RHOH: variants seen among roughly 807,000 people sequenced by gnomAD.
RHOH encodes rho-related GTP-binding protein RhoH.
RHOH carries 6 observed loss-of-function variants against 13.8 expected under a neutral mutation model. That is an observed-to-expected ratio of 0.44 (90% CI 0.24 to 0.86). RHOH has a LOEUF of 0.86. RHOH is among the 40% of genes least tolerant of loss of function. The probability of loss-of-function intolerance (pLI) is 0.24; values close to 1 mark genes in which losing one functional copy is unlikely to be tolerated. For synonymous variants in RHOH, 117 were observed against 103.0 expected, an observed-to-expected ratio of 1.14 and a Z score of -0.82; for missense variants, 147 against 244.5, an observed-to-expected ratio of 0.60 and a Z score of 2.66.
intron 1 of RHOH, among the ~76,000 whole-genome samples, chr4:40,214,238 G>A (rs372383796): frequency 1.3e-4 from 20 of 152,308 alleles, no homozygotes; most frequent in African/African-American, 4.3e-4. Context: ...CACAGTATAC[G>A]AGAAGGTTAC....
intron 1 of RHOH, among the ~76,000 whole-genome samples, chr4:40,234,018 G>A (rs747371550): frequency 6.6e-6 from 1 of 152,042 alleles, no homozygotes; most frequent in Non-Finnish European, 1.5e-5. Flanking sequence ...ACCAGGTGGC[G>A]GGCTGGATTC....
intron 1 of RHOH, among the ~76,000 whole-genome samples, chr4:40,220,113 A>G (rs1726371514): frequency 6.6e-6 from 1 of 152,092 alleles, no homozygotes; most frequent in Non-Finnish European, 1.5e-5. Flanking sequence ...TCCCTTTCCA[A>G]CATCATCTTC....
Position 40,219,118 on chromosome 4 carries a change from AAAT to A in RHOH, c.-331+21819_-331+21821del, listed in dbSNP as rs566991903. ...ATAGTATGCTGTAGTTTGTATATAA[AAAT>A]GTGTGTGTGGCTGGGCGCGGTGGCT... is the stretch of plus-strand genomic sequence containing the variant. On this transcript the variant is annotated intron_variant, in intron 1 of 2. Coordinates refer to ENST00000381799, the MANE Select transcript of RHOH (RefSeq NM_004310.5). Among the ~76,000 whole-genome samples, 87 of 152,266 alleles carry A rather than the reference AAAT, an allele frequency of 5.7e-4. 1 individual carries two copies. The highest frequency in any genetic ancestry group is 2.0e-3 in the African/African-American group (85 of 41,542).
chr4:40,215,374 A>T (rs1343869944), intron 1 of RHOH, among the ~76,000 whole-genome samples: 1 of 152,172 alleles, frequency 6.6e-6, no homozygotes, highest in African/African-American at 2.4e-5. Context: ...GATTGGTATG[A>T]GTTTCCCAAG....
At chr4:40,235,881 G>A (rs1479615110) in intron 1 of RHOH, among the ~76,000 whole-genome samples, 1 of 151,826 alleles carries the variant, frequency 6.6e-6, no homozygotes, top group African/African-American at 2.4e-5. Flanking sequence ...CTTCAGGAAT[G>A]TGAGGCAGGA....
At chr4:40,237,002 G>A (rs1326938633) in intron 1 of RHOH, among the ~76,000 whole-genome samples, 2 of 152,128 alleles carry the variant, frequency 1.3e-5, no homozygotes, top group African/African-American at 4.8e-5. Context: ...ATTTTAAAAA[G>A]CTTAAATCTG....
At chr4:40,205,539 T>C (rs1412752607) in intron 1 of RHOH, among the ~76,000 whole-genome samples, 2 of 152,262 alleles carry the variant, frequency 1.3e-5, no homozygotes, top group African/African-American at 2.4e-5. Flanking sequence ...AGAAGCCCTG[T>C]TGGTCATCTT....
chr4:40,208,007 G>A (rs1030467854), intron 1 of RHOH, among the ~76,000 whole-genome samples: 4 of 150,508 alleles, frequency 2.7e-5, no homozygotes, highest in Non-Finnish European at 5.9e-5. Flanking sequence ...AAACTAGATG[G>A]TACAATTGTG....
At chr4:40,195,777 A>G (rs1248251149), upstream of RHOH, among the ~76,000 whole-genome samples, 1 of 152,302 alleles carries the variant, frequency 6.6e-6, no homozygotes, top group Admixed American at 6.5e-5. Context: ...TCTAGGAGAT[A>G]ATGTGCTCTT....
In RHOH at chr4:40,242,945, TTGTGTGTGTGTGTGTGTGTGTGTGTGTG is replaced by T. The variant is rs58807335; in HGVS notation, c.-210+135_-210+162del. 981 of 143,728 alleles carry T rather than the reference TTGTGTGTGTGTGTGTGTGTGTGTGTGTG, an allele frequency of 6.8e-3. 8 individuals are homozygous for T. The highest frequency in any genetic ancestry group is 0.025 in the African/African-American group (927 of 37,608). The allele number at this position is 143,728 out of a possible 1,614,324, so 8.9% of individuals were successfully genotyped here. A position where few individuals can be genotyped will look rare whatever the true frequency, so the allele number is the denominator to read the frequency against. ...CTTCTGCTTCTTGACCGGGAGGCAT[TTGTGTGTGTGTGTGTGTGTGTGTGTGTG>T]TGTGTGTGTGTGTGTGTGTGTGTTG... On this transcript the variant is annotated intron_variant, in intron 2 of 2. Coordinates refer to ENST00000381799, the MANE Select transcript of RHOH (RefSeq NM_004310.5).
At chr4:40,202,009 G>T (rs1185983691) in intron 1 of RHOH, among the ~76,000 whole-genome samples, 2 of 143,162 alleles carry the variant, frequency 1.4e-5, no homozygotes, top group Non-Finnish European at 3.0e-5. Context: ...CTGGAGTGCA[G>T]TGTGTAATCA....
chr4:40,196,413 T>G (rs1723138056), upstream of RHOH, among the ~76,000 whole-genome samples: 1 of 152,154 alleles, frequency 6.6e-6, no homozygotes, highest in East Asian at 1.9e-4. Context: ...AAACTTGTGT[T>G]TTTAGGCAAA....
In RHOH at chr4:40,243,121, C is replaced by A. The variant is rs1347294506; in HGVS notation, c.-209-57C>A. Reference sequence around the variant, plus strand: ...TGCCAATGAGGAAGCCCCTTATCTTCAAAAAAGGCAAGAAAGAAAGAAAGA... The same window carrying A: ...TGCCAATGAGGAAGCCCCTTATCTTAAAAAAAGGCAAGAAAGAAAGAAAGA... On this transcript the variant is annotated intron_variant, in intron 2 of 2. Transcript: ENST00000381799. The surrounding 1 kb of genome is among the most constrained non-coding windows in gnomAD (Gnocchi z 6.2). 2.6e-6 allele frequency: 1 copy of A among 389,324 alleles called. No individual in the cohort carries two copies. The highest frequency in any genetic ancestry group is 4.6e-6 in the Non-Finnish European group (1 of 217,034). The allele number at this position is 389,324 out of a possible 1,614,324, so 24.1% of individuals were successfully genotyped here. A position where few individuals can be genotyped will look rare whatever the true frequency, so the allele number is the denominator to read the frequency against.
At position 40,218,330 on chromosome 4, in the gene RHOH, GACCA is replaced by G. The variant is rs1457024574; in HGVS notation, c.-331+21031_-331+21034del. The G allele has an allele frequency of 2.0e-5, 3 of 152,196 alleles. No individual in the cohort carries two copies. Among genetic ancestry groups the G allele is most frequent in the African/African-American group, 7.2e-5 (3 of 41,438 alleles). 9.4% of individuals were successfully genotyped at this position (152,196 alleles called of 1,614,324 possible). A position where few individuals can be genotyped will look rare whatever the true frequency, so the allele number is the denominator to read the frequency against. The stretch of plus-strand genomic sequence containing the variant: ...ATTATATGCACGTTCTGTCTACAAT[GACCA>G]GTGGACTCTAAACTGGGCTGGAACA... On this transcript the variant is annotated intron_variant, in intron 1 of 2. Coordinates refer to ENST00000381799, the MANE Select transcript of RHOH (RefSeq NM_004310.5). This position sits in a 1 kb window ranked among gnomAD's most constrained non-coding sequence, Gnocchi z 4.1.
At chr4:40,193,389 T>G (rs1722804664), upstream of RHOH, among the ~76,000 whole-genome samples, 1 of 152,080 alleles carries the variant, frequency 6.6e-6, no homozygotes, top group Non-Finnish European at 1.5e-5. Context: ...GGTGCGTGTA[T>G]GTCTGTGAAT....
intron 1 of RHOH, among the ~76,000 whole-genome samples, chr4:40,198,002 G>A (rs900909917): frequency 6.6e-6 from 1 of 152,134 alleles, no homozygotes; most frequent in Admixed American, 6.5e-5. Flanking sequence ...TCCCCTTATT[G>A]GTTCTAAGCT....
chr4:40,202,193 T>G (rs1226729512), intron 1 of RHOH, among the ~76,000 whole-genome samples: 6 of 152,210 alleles, frequency 3.9e-5, no homozygotes, highest in African/African-American at 1.2e-4. Flanking sequence ...GTGATCCTCC[T>G]GCCTTGGCCT....
Position 40,218,809 on chromosome 4 carries a change from C to T in RHOH, c.-331+21509C>T, listed in dbSNP as rs1374540170. Among the ~76,000 whole-genome samples the T allele has an allele frequency of 1.3e-5, 2 of 152,178 alleles. No individual in the cohort carries two copies. The highest frequency in any genetic ancestry group is 3.8e-4 in the East Asian group (2 of 5,198). ...AGTGGCTAAATGGCGTAAGCAAGGT[C>T]GTGTCACTAGGAGTAGAGCTGGGAT... On this transcript the variant is annotated intron_variant, in intron 1 of 2. Coordinates refer to ENST00000381799, the MANE Select transcript of RHOH (RefSeq NM_004310.5). The surrounding 1 kb of genome is among the most constrained non-coding windows in gnomAD (Gnocchi z 4.1).
chr4:40,246,931 A>T lies in RHOH; in HGVS notation c.*2969A>T, dbSNP rs894351632. On this transcript the variant is annotated 3_prime_UTR_variant, in exon 3 of 3. Transcript: ENST00000381799. ...CTTAACTATTCCAAGTAGCAGCATT[A>T]AATATGTTCTTGATGACATTAAAGA... The T allele has an allele frequency of 7.9e-5, 12 of 152,224 alleles. No individual in the cohort carries two copies. Among genetic ancestry groups the T allele is most frequent in the Non-Finnish European group, 1.5e-4 (10 of 68,042 alleles). 9.4% of individuals were successfully genotyped at this position (152,224 alleles called of 1,614,324 possible). A position where few individuals can be genotyped will look rare whatever the true frequency, so the allele number is the denominator to read the frequency against.
Sources: gnomAD v4.1 joint callset for allele counts (sites outside exome capture counted in the v4.1 genomes callset) on GRCh38, gnomAD v4.1.1 for gene constraint, Gnocchi (gnomAD v3.1) non-coding constraint, MANE v1.5 for transcripts, NCBI Gene and HGNC (gene_info 2026-07-23, HGNC 2026-07-21) for gene names.